Variants in EDIL3 observed in about 807,000 individuals in gnomAD.
EDIL3 encodes EGF like and discoidin domains 3.
A neutral mutation model predicts 67.4 loss-of-function variants in EDIL3; 37 were observed. The observed-to-expected ratio is 0.55, with a 90% CI of 0.42 to 0.72. The LOEUF is 0.72. Ranked by LOEUF, EDIL3 falls within the 30% of genes least tolerant of loss-of-function variation. The pLI is 0.00. For synonymous variants in EDIL3, 195 were observed against 196.3 expected, an observed-to-expected ratio of 0.99 and a Z score of 0.05; for missense variants, 527 against 586.3, an observed-to-expected ratio of 0.90 and a Z score of 1.04.
At chr5:84,034,455 G>A (rs1745982707) in intron 9 of EDIL3, among the ~76,000 whole-genome samples, 3 of 152,116 alleles carry the variant, frequency 2.0e-5, no homozygotes, top group Admixed American at 6.5e-5. Context: ...CAGTAGGCTA[G>A]GCTTCCTTCA....
chr5:84,211,595 C>T (rs144941166), intron 3 of EDIL3, among the ~76,000 whole-genome samples: 12 of 151,928 alleles, frequency 7.9e-5, no homozygotes, highest in Admixed American at 3.3e-4. Flanking sequence ...CAGACAAAAG[C>T]GGAGCAGGTG....
chr5:83,968,087 C>T lies in EDIL3; in HGVS notation c.1138-4727G>A, dbSNP rs1019912453. ...TACAGAATGTTTTATCTTAACATTACACAAAACAATTGTAGCTAGTCCCAG... is the reference window on the plus strand; with the variant it reads ...TACAGAATGTTTTATCTTAACATTATACAAAACAATTGTAGCTAGTCCCAG... On this transcript the variant is annotated intron_variant, in intron 9 of 10. Coordinates refer to ENST00000296591, the MANE Select transcript of EDIL3 (RefSeq NM_005711.5). Among the ~76,000 whole-genome samples the T allele has an allele frequency of 3.3e-5, 5 of 152,190 alleles. 1 individual carries two copies. Among genetic ancestry groups the T allele is most frequent in the African/African-American group, 1.2e-4 (5 of 41,560 alleles).
At chr5:83,967,857 T>C (rs1380182407) in intron 9 of EDIL3, among the ~76,000 whole-genome samples, 1 of 152,116 alleles carries the variant, frequency 6.6e-6, no homozygotes, top group Non-Finnish European at 1.5e-5. Flanking sequence ...GCCAGTTTCA[T>C]CACAGAATTG....
At position 84,093,069 on chromosome 5, in the gene EDIL3, T is replaced by C. The variant is rs929109043; in HGVS notation, c.651+13580A>G. Among the ~76,000 whole-genome samples the C allele has an allele frequency of 6.6e-5, 10 of 152,312 alleles. 1 individual carries two copies. The highest frequency in any genetic ancestry group is 2.4e-4 in the African/African-American group (10 of 41,584). ...ACATGTGGTACCAATGGATCATGCTTAGCCAATTAAAATGTGAATCTATAA... is the reference window on the plus strand; with the variant it reads ...ACATGTGGTACCAATGGATCATGCTCAGCCAATTAAAATGTGAATCTATAA... On this transcript the variant is annotated intron_variant, in intron 6 of 10. Transcript: ENST00000296591.
chr5:84,308,434 T>C (rs1258188904), intron 1 of EDIL3, among the ~76,000 whole-genome samples: 1 of 152,176 alleles, frequency 6.6e-6, no homozygotes, highest in Non-Finnish European at 1.5e-5. Context: ...CTAATGTGTC[T>C]AGTTACCCAA....
At chr5:84,352,006 A>T (rs1447091291) in intron 1 of EDIL3, among the ~76,000 whole-genome samples, 1 of 151,970 alleles carries the variant, frequency 6.6e-6, no homozygotes, top group African/African-American at 2.4e-5. Context: ...AAAAGAAAAC[A>T]TACTAACAGG....
At chr5:84,141,946 T>TATATATATATATATAC (rs1303835679) in intron 4 of EDIL3, among the ~76,000 whole-genome samples, 3 of 132,400 alleles carry the variant, frequency 2.3e-5, no homozygotes, top group African/African-American at 8.7e-5. Flanking sequence ...TATATATATA[T>TATATATATATATATAC]ACATAGATCT....
At chr5:83,979,273 C>T (rs570280004) in intron 9 of EDIL3, among the ~76,000 whole-genome samples, 2 of 152,080 alleles carry the variant, frequency 1.3e-5, no homozygotes, top group South Asian at 2.1e-4. Context: ...TAGGTGCTGG[C>T]GAGTAGATAG....
intron 1 of EDIL3, among the ~76,000 whole-genome samples, chr5:84,256,119 A>ACTATCTATCTATCTATCTAT (rs1554038574): frequency 4.9e-4 from 72 of 147,124 alleles, no homozygotes; most frequent in African/African-American, 1.7e-3. Flanking sequence ...TTATCATCTA[A>ACTATCTATCTATCTATCTAT]CTATCTATCT....
chr5:84,249,568 A>G (rs1422991659), intron 2 of EDIL3, among the ~76,000 whole-genome samples: 1 of 152,214 alleles, frequency 6.6e-6, no homozygotes, highest in East Asian at 1.9e-4. Flanking sequence ...ATTACTTAGT[A>G]AACACTCAAT....
chr5:84,066,452 A>T lies in EDIL3; in HGVS notation c.806T>A (p.Met269Lys). ...MYKVKGTNED[M>K]VFRGNIDNNT... is the part of the protein sequence containing the mutation. ...TTAAGTAGGTTAAATTATTCTTACC[A>T]TGTCTTCATTGGTGCCTTTCACTTT... Residue 269 changes from methionine to lysine, a missense_variant and splice_region_variant, in exon 7 of 11, where the codon ATG (methionine) becomes AAG (lysine). Coordinates refer to ENST00000296591, the MANE Select transcript of EDIL3 (RefSeq NM_005711.5). The T allele has an allele frequency of 1.3e-6, 2 of 1,592,150 alleles. No individual in the cohort carries two copies. The highest frequency in any genetic ancestry group is 2.3e-5 in the South Asian group (2 of 85,274).
At chr5:84,204,698 T>C (rs77454626) in intron 3 of EDIL3, among the ~76,000 whole-genome samples, 1,536 of 151,876 alleles carry the variant, frequency 0.01, 32 homozygotes, top group African/African-American at 0.035. Flanking sequence ...CAAAGTCTTC[T>C]GCTCCACGTT....
chr5:83,992,816 C>G (rs1745173685), intron 9 of EDIL3, among the ~76,000 whole-genome samples: 1 of 151,674 alleles, frequency 6.6e-6, no homozygotes, highest in South Asian at 2.1e-4. Flanking sequence ...GTATTATAGT[C>G]TGAGAGTTAT....
intron 6 of EDIL3, among the ~76,000 whole-genome samples, chr5:84,077,664 G>C (rs1305983796): frequency 6.6e-6 from 1 of 151,962 alleles, no homozygotes; most frequent in African/African-American, 2.4e-5. Flanking sequence ...ACCTCCCACC[G>C]GGACCCTCCC....
intron 5 of EDIL3, among the ~76,000 whole-genome samples, chr5:84,132,372 ATTATATATAATATATT>A (rs372011985): frequency 0.22 from 5,748 of 26,596 alleles, 811 homozygotes; most frequent in Admixed American, 0.25. Context: ...TATTATATAT[ATTATATATAATATATT>A]TTATATATAA....
intron 1 of EDIL3, among the ~76,000 whole-genome samples, chr5:84,379,153 AG>A (rs893469080): frequency 2.6e-5 from 4 of 152,178 alleles, no homozygotes; most frequent in Non-Finnish European, 5.9e-5. Flanking sequence ...TGTATAAAAA[AG>A]CTCCTTAAAA....
At chr5:84,057,303 T>G (rs1330589932) in intron 9 of EDIL3, among the ~76,000 whole-genome samples, 1 of 152,124 alleles carries the variant, frequency 6.6e-6, no homozygotes, top group Non-Finnish European at 1.5e-5. Flanking sequence ...TGTAAAAATA[T>G]TTGTTTAATT....
intron 1 of EDIL3, among the ~76,000 whole-genome samples, chr5:84,327,126 C>T (rs184531004): frequency 4.5e-4 from 69 of 151,948 alleles, no homozygotes; most frequent in African/African-American, 1.4e-3. Context: ...GTAGTGAGAA[C>T]TCATAAGATC....
chr5:84,153,973 C>T (rs922587496), intron 4 of EDIL3, among the ~76,000 whole-genome samples: 2 of 152,124 alleles, frequency 1.3e-5, no homozygotes, highest in East Asian at 3.9e-4. Context: ...CTAAGCTCTA[C>T]TTTGAGATAA....
Sources: gnomAD v4.1 joint callset for allele counts (sites outside exome capture counted in the v4.1 genomes callset) on GRCh38, gnomAD v4.1.1 for gene constraint, MANE v1.5 for transcripts, NCBI Gene and HGNC (gene_info 2026-07-23, HGNC 2026-07-21) for gene names.